PRPF8: variants seen among roughly 807,000 people sequenced by gnomAD.
The protein encoded by PRPF8 is pre-mRNA processing factor 8, also known as pre-mRNA-processing-splicing factor 8.
In PRPF8, 64 loss-of-function variants were observed where a neutral mutation model predicts 285.9. The observed-to-expected ratio is 0.22, with a 90% CI of 0.18 to 0.28. The LOEUF is 0.28. Ranked by LOEUF, PRPF8 falls within the 10% of genes least tolerant of loss-of-function variation. The probability of loss-of-function intolerance (pLI) is 1.00; values close to 1 mark genes in which losing one functional copy is unlikely to be tolerated. For missense variants in PRPF8, 1,426 were observed against 3,026.7 expected, an observed-to-expected ratio of 0.47 and a Z score of 12.41; for synonymous variants, 1,325 against 1,118.2, an observed-to-expected ratio of 1.18 and a Z score of -3.69.
chr17:1,676,892 G>A lies in PRPF8; in HGVS notation c.2181+84C>T. On this transcript the variant is annotated intron_variant, in intron 15 of 42. Coordinates refer to ENST00000304992, the MANE Select transcript of PRPF8 (RefSeq NM_006445.4). The surrounding 1 kb of genome is among the most constrained non-coding windows in gnomAD (Gnocchi z 6.3). The stretch of plus-strand genomic sequence containing the variant: ...GGGAAAAGAAAAGAGATTGGAGCCA[G>A]ATAGCCCCCTAATGATTCCCGAAGT... The A allele has an allele frequency of 1.3e-6, 2 of 1,540,210 alleles. No individual in the cohort carries two copies. The highest frequency in any genetic ancestry group is 1.4e-5 in the African/African-American group (1 of 73,544).
In PRPF8 at chr17:1,673,611, A is replaced by T. The variant is rs1416303463; in HGVS notation, c.3447-44T>A. On this transcript the variant is annotated intron_variant, in intron 22 of 42. Transcript: ENST00000304992. This position sits in a 1 kb window ranked among gnomAD's most constrained non-coding sequence, Gnocchi z 5.5. Reference sequence around the variant, plus strand: ...TGGTCACAGCAGTTTCTTGGAAGGAACTTCCCTTCAAAGGCCAACTGATGA... The same window carrying T: ...TGGTCACAGCAGTTTCTTGGAAGGATCTTCCCTTCAAAGGCCAACTGATGA... 6.2e-7 allele frequency: 1 copy of T among 1,612,376 alleles called. No homozygotes were observed. Among genetic ancestry groups the T allele is most frequent in the Non-Finnish European group, 8.5e-7 (1 of 1,179,502 alleles).
chr17:1,680,429 C>G (rs573676605), intron 8 of PRPF8: 1 of 500,252 alleles, frequency 2.0e-6, no homozygotes, highest in African/African-American at 1.9e-5. Context: ...GGTATGTTAA[C>G]TACATCTCAA....
In PRPF8 at chr17:1,684,454, T is replaced by G. The variant is rs571573436; in HGVS notation, c.100+18A>C. 6 of 1,612,320 alleles carry G rather than the reference T, an allele frequency of 3.7e-6. No individual in the cohort carries two copies. The South Asian group carries it at 6.6e-5, about 18-fold the overall frequency. ...GCCCCGCCTCCGGCCCGCGCGCCGC[T>G]CCACACTCTCGCCTCACCTTTCTCC... is the stretch of plus-strand genomic sequence containing the variant. On this transcript the variant is annotated intron_variant, in intron 2 of 42. Transcript: ENST00000304992.
Position 1,676,435 on chromosome 17 carries a change from A to C in PRPF8, c.2389-65T>G, listed in dbSNP as rs1270812780. The C allele has an allele frequency of 1.9e-6, 3 of 1,613,868 alleles. No homozygotes were observed. Among genetic ancestry groups the C allele is most frequent in the African/African-American group, 2.7e-5 (2 of 74,922 alleles). On this transcript the variant is annotated intron_variant, in intron 16 of 42. Transcript: ENST00000304992. The surrounding 1 kb of genome is among the most constrained non-coding windows in gnomAD (Gnocchi z 6.3). The stretch of plus-strand genomic sequence containing the variant: ...GATCCTGCCAGAACAAGGTTCAGTC[A>C]CAACTCTACAGTCCTCCCTCTTGCC...
chr17:1,679,944 C>T lies in PRPF8; in HGVS notation c.1099-145G>A. 1.1e-6 allele frequency: 1 copy of T among 951,134 alleles called. No homozygotes were observed. Among genetic ancestry groups the T allele is most frequent in the Non-Finnish European group, 1.7e-6 (1 of 593,886 alleles). 58.9% of individuals were successfully genotyped at this position (951,134 alleles called of 1,614,324 possible). A position where few individuals can be genotyped will look rare whatever the true frequency, so the allele number is the denominator to read the frequency against. On this transcript the variant is annotated intron_variant, in intron 8 of 42. Coordinates refer to ENST00000304992, the MANE Select transcript of PRPF8 (RefSeq NM_006445.4). This position sits in a 1 kb window ranked among gnomAD's most constrained non-coding sequence, Gnocchi z 4.7. ...GACAAAAGCAGCCCTGAAGTGCCAGCACAAAGGAAACCAAGACAGCAAAGA... is the reference window on the plus strand; with the variant it reads ...GACAAAAGCAGCCCTGAAGTGCCAGTACAAAGGAAACCAAGACAGCAAAGA...
At chr17:1,672,748 G>A (rs1353240691) in intron 24 of PRPF8, among the ~76,000 whole-genome samples, 1 of 152,014 alleles carries the variant, frequency 6.6e-6, no homozygotes, top group Non-Finnish European at 1.5e-5. Flanking sequence ...GGTTCTCTAT[G>A]CCACTGGTTA....
chr17:1,684,358 A>T, intron 2 of PRPF8, 114 bp downstream of exon 2: 1 of 1,026,316 alleles, frequency 9.7e-7, no homozygotes, highest in Non-Finnish European at 1.5e-6. Flanking sequence ...ACTGGAAATA[A>T]CAAGGGAGCT....
At chr17:1,657,285 A>C (rs1309814245) in intron 34 of PRPF8, among the ~76,000 whole-genome samples, 2 of 152,206 alleles carry the variant, frequency 1.3e-5, no homozygotes, top group African/African-American at 4.8e-5. Flanking sequence ...AGGAAGCTAA[A>C]GAAGAGTTAA....
chr17:1,655,455 A>G lies in PRPF8; in HGVS notation c.5882T>C (p.Ile1961Thr). Residue 1961 changes from isoleucine (I) to threonine (T), a missense_variant, in exon 37 of 43, where the codon ATT becomes ACT. By Grantham distance (89) the Ile-to-Thr change is moderately conservative. This residue lies in a region of PRPF8 where 35 missense variants were observed against 47.7 expected (regional missense o/e 0.73). Coordinates refer to ENST00000304992, the MANE Select transcript of PRPF8 (RefSeq NM_006445.4). Reference protein sequence around the residue: ...KVILKPDKTTITEPHHIWPTL... With the variant: ...KVILKPDKTTTTEPHHIWPTL... ...GGGCCAGATGTGGTGTGGTTCTGTA[A>G]TAGTAGTCTTGTCTGGCTTCAGGAT... 6.2e-7 allele frequency: 1 copy of G among 1,614,024 alleles called. No individual in the cohort carries two copies. The highest frequency in any genetic ancestry group is 8.5e-7 in the Non-Finnish European group (1 of 1,180,002).
Position 1,655,429 on chromosome 17 carries a change from T to A in PRPF8, c.5908A>T (p.Thr1970Ser). The change falls in exon 37 of 43, where the codon ACT becomes TCT. Residue 1970 changes from threonine to serine, a missense_variant. Thr to Ser is a moderately conservative substitution (Grantham distance 58, BLOSUM62 1). Around this residue, in one of 34 missense-constraint regions of PRPF8, gnomAD observed 35 missense variants for 47.7 expected, o/e 0.73. Transcript: ENST00000304992. Reference protein sequence around the residue: ...TITEPHHIWPTLTDEEWIKVE... With the variant: ...TITEPHHIWPSLTDEEWIKVE... ...TTGATCCATTCTTCGTCAGTCAGAG[T>A]GGGCCAGATGTGGTGTGGTTCTGTA... The A allele has an allele frequency of 6.2e-7, 1 of 1,613,984 alleles. No individual in the cohort carries two copies. Among genetic ancestry groups the A allele is most frequent in the Non-Finnish European group, 8.5e-7 (1 of 1,179,998 alleles).
intron 3 of PRPF8, 132 bp from the exon 4 acceptor site, chr17:1,682,425 G>T (rs1306483815): frequency 8.6e-7 from 1 of 1,167,064 alleles, no homozygotes; most frequent in Non-Finnish European, 1.2e-6. Flanking sequence ...TAGCCCACAG[G>T]CCCTTCCTAA....
intron 24 of PRPF8, among the ~76,000 whole-genome samples, chr17:1,662,507 T>C (rs1297463477): frequency 6.6e-6 from 1 of 151,792 alleles, no homozygotes; most frequent in Non-Finnish European, 1.5e-5. Flanking sequence ...GAGAATCGCT[T>C]GAACCTGGGA....
chr17:1,650,753 G>A lies in PRPF8; in HGVS notation c.*49C>T. On this transcript the variant is annotated 3_prime_UTR_variant, in exon 43 of 43. Transcript: ENST00000304992. ...CTGAATGTCAGCGGCCTGTCTGGAG[G>A]GGCTGAGGCTTCGGCCTCGGGAGGC... 6.2e-7 allele frequency: 1 copy of A among 1,609,354 alleles called. No individual in the cohort carries two copies. The highest frequency in any genetic ancestry group is 2.2e-5 in the East Asian group (1 of 44,868).
chr17:1,673,682 G>A lies in PRPF8; in HGVS notation c.3446+64C>T. On this transcript the variant is annotated intron_variant, in intron 22 of 42. Transcript: ENST00000304992. This position sits in a 1 kb window ranked among gnomAD's most constrained non-coding sequence, Gnocchi z 5.5. ...TCTCCCACCCAGGACGCAGCCTCAG[G>A]TATGCCCTCTCTGGGCCCTTAGCTT... The A allele has an allele frequency of 1.2e-6, 2 of 1,612,376 alleles. No individual in the cohort carries two copies. Among genetic ancestry groups the A allele is most frequent in the African/African-American group, 2.7e-5 (2 of 74,952 alleles).
At chr17:1,682,436 C>T (rs780216447) in intron 3 of PRPF8, 143 bp from the exon 4 acceptor site, 49 of 998,332 alleles carry the variant, frequency 4.9e-5, no homozygotes, top group Non-Finnish European at 5.3e-5. Context: ...CCCTTCCTAA[C>T]CAGAAACCCT....
At chr17:1,682,836 A>G (rs1272037830) in intron 3 of PRPF8, among the ~76,000 whole-genome samples, 1 of 152,230 alleles carries the variant, frequency 6.6e-6, no homozygotes. Flanking sequence ...TACCTGTACT[A>G]GCCCAGTTTA....
At chr17:1,677,764 G>A (rs1438409724) in intron 13 of PRPF8, 70 bp from the exon 14 acceptor site, 3 of 1,592,986 alleles carry the variant, frequency 1.9e-6, no homozygotes, top group Non-Finnish European at 2.6e-6. Context: ...AACCTGGGCA[G>A]AGGTGGGGCA....
rs764798990 is a variant in PRPF8 at position 1,682,203 on chromosome 17, G to A, written c.360C>T (p.Tyr120=). 9.3e-6 allele frequency: 15 copies of A among 1,613,930 alleles called. No individual in the cohort carries two copies. Among genetic ancestry groups the A allele is most frequent in the Non-Finnish European group, 1.2e-5 (14 of 1,179,978 alleles). Residue 120 remains tyrosine, a synonymous_variant, in exon 4 of 43, where the codon TAC becomes TAT. Coordinates refer to ENST00000304992, the MANE Select transcript of PRPF8 (RefSeq NM_006445.4). ...CGAAGGAAATGGCTCCAGTGATGTG[G>A]TACAGCACAGGCACATCCCGAATCT... is the stretch of plus-strand genomic sequence containing the variant. The part of the protein sequence containing the change: ...WEQIRDVPVL[Y]HITGAISFVN...
intron 24 of PRPF8, among the ~76,000 whole-genome samples, chr17:1,670,044 C>A (rs746423732): frequency 3.3e-5 from 5 of 152,182 alleles, no homozygotes; most frequent in Non-Finnish European, 5.9e-5. Flanking sequence ...AGTTTCATTT[C>A]TCTCCCTGGA....
Sources: allele counts gnomAD v4.1 joint callset (sites outside exome capture counted in the v4.1 genomes callset), GRCh38; gene constraint gnomAD v4.1.1; regional missense constraint gnomAD v4.1.1; non-coding constraint Gnocchi (gnomAD v3.1); transcripts MANE v1.5; gene names NCBI Gene and HGNC (gene_info 2026-07-23, HGNC 2026-07-21).